RGS7BP: variants seen among roughly 807,000 people sequenced by gnomAD.
The protein encoded by RGS7BP is regulator of G protein signaling 7 binding protein.
In RGS7BP, 9 loss-of-function variants were observed where a neutral mutation model predicts 31.3. The observed-to-expected ratio is 0.29, with a 90% CI of 0.17 to 0.50. The LOEUF (loss-of-function observed/expected upper bound fraction) is 0.50, where lower values mean the gene tolerates loss of function less well. Among genes scored for constraint, RGS7BP ranks in the 20% least tolerant of loss-of-function variants. RGS7BP has a pLI of 0.98. For synonymous variants in RGS7BP, 115 were observed against 120.1 expected (o/e 0.96, Z 0.28); for missense variants, 274 against 322.0 (o/e 0.85, Z 1.14).
At chr5:64,586,893 T>A (rs1248568938) in intron 3 of RGS7BP, among the ~76,000 whole-genome samples, 1 of 132,268 alleles carries the variant, frequency 7.6e-6, no homozygotes, top group African/African-American at 2.9e-5. Flanking sequence ...TGGAAAAACA[T>A]GTAATGAAAG....
At chr5:64,588,086 G>T (rs544960201) in intron 3 of RGS7BP, among the ~76,000 whole-genome samples, 2 of 152,226 alleles carry the variant, frequency 1.3e-5, no homozygotes, top group South Asian at 4.1e-4. Flanking sequence ...AAATATATGT[G>T]ATCAATATAT....
chr5:64,581,454 G>A (rs1375630541), intron 3 of RGS7BP, among the ~76,000 whole-genome samples: 3 of 152,140 alleles, frequency 2.0e-5, no homozygotes, highest in Non-Finnish European at 4.4e-5. Flanking sequence ...TTGTTTTTAT[G>A]TCTATCTACC....
Position 64,545,514 on chromosome 5 carries a change from G to C in RGS7BP, c.333-30260G>C, listed in dbSNP as rs74747081. Among the ~76,000 whole-genome samples the C allele has an allele frequency of 3.8e-3, 579 of 152,228 alleles. 19 individuals are homozygous for C. In the East Asian group the frequency reaches 0.053, roughly 14 times the overall value. ...TATAATTAAATTTGCATCTTAGAAA[G>C]TTTACTCTAGCTATACTGTAGAGAA... On this transcript the variant is annotated intron_variant, in intron 2 of 5. Transcript: ENST00000334025.
intron 3 of RGS7BP, among the ~76,000 whole-genome samples, chr5:64,576,576 C>T (rs1186596048): frequency 6.6e-6 from 1 of 152,200 alleles, no homozygotes; most frequent in Non-Finnish European, 1.5e-5. Flanking sequence ...AGAGAGAGAA[C>T]TTCTCCCAGC....
chr5:64,553,229 G>A (rs1014416241), intron 2 of RGS7BP, among the ~76,000 whole-genome samples: 49 of 136,530 alleles, frequency 3.6e-4, no homozygotes, highest in African/African-American at 1.3e-3. Flanking sequence ...CTGGAGTGCA[G>A]TGGCATGATC....
At chr5:64,606,031 TATATATATAG>T (rs1743351997) in intron 5 of RGS7BP, among the ~76,000 whole-genome samples, 2 of 138,710 alleles carry the variant, frequency 1.4e-5, no homozygotes, top group African/African-American at 2.7e-5. Context: ...CATATATATA[TATATATATAG>T]AGAGAGAGAG....
At chr5:64,554,056 C>G (rs1294646192) in intron 2 of RGS7BP, among the ~76,000 whole-genome samples, 1 of 152,116 alleles carries the variant, frequency 6.6e-6, no homozygotes, top group Non-Finnish European at 1.5e-5. Context: ...GCTCTTTGAC[C>G]CTCCAAATCT....
intron 2 of RGS7BP, among the ~76,000 whole-genome samples, chr5:64,516,753 A>G (rs558486892): frequency 3.3e-5 from 5 of 152,310 alleles, no homozygotes; most frequent in African/African-American, 1.2e-4. Context: ...AACATGCAAC[A>G]TATGAGGCCT....
chr5:64,582,393 A>C (rs1742624055), intron 3 of RGS7BP, among the ~76,000 whole-genome samples: 1 of 152,354 alleles, frequency 6.6e-6, no homozygotes, highest in South Asian at 2.1e-4. Flanking sequence ...CAGAGATGAC[A>C]GAACACTCCA....
At chr5:64,555,589 G>T (rs1027603431) in intron 2 of RGS7BP, among the ~76,000 whole-genome samples, 2 of 152,070 alleles carry the variant, frequency 1.3e-5, no homozygotes, top group African/African-American at 4.8e-5. Context: ...AGGAACTATT[G>T]CCAGAGAAAA....
At chr5:64,570,271 T>C (rs1742273753) in intron 2 of RGS7BP, among the ~76,000 whole-genome samples, 1 of 152,144 alleles carries the variant, frequency 6.6e-6, no homozygotes, top group South Asian at 2.1e-4. Flanking sequence ...TTGCCTTTTA[T>C]ACTTGCTTTC....
At chr5:64,507,593 T>C in intron 1 of RGS7BP, 118 bp from the exon 2 acceptor site, 3 of 847,126 alleles carry the variant, frequency 3.5e-6, no homozygotes, top group South Asian at 4.2e-5. Context: ...GTTCCTTAGC[T>C]GGAGATCTGG....
chr5:64,519,466 G>T (rs1433275392), intron 2 of RGS7BP, among the ~76,000 whole-genome samples: 1 of 152,210 alleles, frequency 6.6e-6, no homozygotes, highest in Non-Finnish European at 1.5e-5. Context: ...ATACAGTAGA[G>T]GAAGAGTAAT....
chr5:64,602,185 T>A lies in RGS7BP; in HGVS notation c.682+3750T>A, dbSNP rs142577968. Reference sequence around the variant, plus strand: ...TGAGGCAGAAGAATTCTCAGATATCTGGCTGAAGAACACTGGGCAGTTATG... The same window carrying A: ...TGAGGCAGAAGAATTCTCAGATATCAGGCTGAAGAACACTGGGCAGTTATG... On this transcript the variant is annotated intron_variant, in intron 5 of 5. Transcript: ENST00000334025. Among the ~76,000 whole-genome samples, 322 of 152,310 alleles carry A rather than the reference T, an allele frequency of 2.1e-3. 2 individuals carry two copies. Among genetic ancestry groups the A allele is most frequent in the Non-Finnish European group, 3.0e-3 (207 of 68,030 alleles).
intron 3 of RGS7BP, among the ~76,000 whole-genome samples, chr5:64,579,090 TG>T (rs972020807): frequency 2.0e-5 from 3 of 152,166 alleles, no homozygotes; most frequent in African/African-American, 4.8e-5. Context: ...GCAAGTCTCT[TG>T]TGTTTCCAGA....
chr5:64,509,632 C>T lies in RGS7BP; in HGVS notation c.332+1755C>T, dbSNP rs74381628. ...AACTTCTGCACTCAAGTAATCCTCC[C>T]GCCTCAGGCTCCAGAGTAGCTGGGA... On this transcript the variant is annotated intron_variant, in intron 2 of 5. Coordinates refer to ENST00000334025, the MANE Select transcript of RGS7BP (RefSeq NM_001029875.3). Among the ~76,000 whole-genome samples the T allele has an allele frequency of 2.0e-3, 309 of 152,118 alleles. 1 individual carries two copies. The highest frequency in any genetic ancestry group is 6.7e-3 in the African/African-American group (277 of 41,486).
intron 2 of RGS7BP, among the ~76,000 whole-genome samples, chr5:64,523,873 T>C (rs1035434695): frequency 6.6e-6 from 1 of 152,210 alleles, no homozygotes; most frequent in African/African-American, 2.4e-5. Flanking sequence ...AAATGCAAAT[T>C]ATCATATGGC....
intron 2 of RGS7BP, among the ~76,000 whole-genome samples, chr5:64,538,337 CAT>C (rs1197235106): frequency 6.6e-6 from 1 of 152,000 alleles, no homozygotes. Context: ...AACATTCTCT[CAT>C]GTTGCCACTT....
Position 64,506,300 on chromosome 5 carries a change from G to T in RGS7BP, c.-325G>T, listed in dbSNP as rs567411689. ...CGGGCGGCGCGTTCCTTCTCGCCCAGCCTTGCAATCCATGCCGAGAGGAAG... is the reference window on the plus strand; with the variant it reads ...CGGGCGGCGCGTTCCTTCTCGCCCATCCTTGCAATCCATGCCGAGAGGAAG... On this transcript the variant is annotated 5_prime_UTR_variant, in exon 1 of 6. Transcript: ENST00000334025. This position sits in a 1 kb window ranked among gnomAD's most constrained non-coding sequence, Gnocchi z 4.6. 4 of 243,430 alleles carry T rather than the reference G, an allele frequency of 1.6e-5. No homozygotes were observed. Among genetic ancestry groups the T allele is most frequent in the African/African-American group, 4.5e-5 (2 of 44,752 alleles). The allele number at this position is 243,430 out of a possible 1,614,324, so 15.1% of individuals were successfully genotyped here.
Sources: gnomAD v4.1 joint callset for allele counts (sites outside exome capture counted in the v4.1 genomes callset) on GRCh38, gnomAD v4.1.1 for gene constraint, Gnocchi (gnomAD v3.1) non-coding constraint, MANE v1.5 for transcripts, NCBI Gene and HGNC (gene_info 2026-07-23, HGNC 2026-07-21) for gene names.